The following ZC4H2 variants were observed in gnomAD, a reference collection of about 807,000 sequenced individuals.
ZC4H2 encodes the protein zinc finger C4H2-type containing.
For missense variants in ZC4H2, 137 were observed against 173.9 expected, an observed-to-expected ratio of 0.79 and a Z score of 1.19; for synonymous variants, 84 against 66.3, an observed-to-expected ratio of 1.27 and a Z score of -1.30.
At chrX:64,937,487 C>T (rs1052053040) in intron 1 of ZC4H2, among the ~76,000 whole-genome samples, 3 of 111,745 alleles carry the variant, frequency 2.7e-5, no homozygotes, top group African/African-American at 9.8e-5. Flanking sequence ...AATATATATT[C>T]TTCTCAGCAA....
intron 2 of ZC4H2, among the ~76,000 whole-genome samples, chrX:64,921,002 T>A: frequency 8.9e-6 from 1 of 112,196 alleles, no homozygotes; most frequent in Non-Finnish European, 1.9e-5. Flanking sequence ...CTGTCAACAC[T>A]TTATGAGATC....
intron 1 of ZC4H2, among the ~76,000 whole-genome samples, chrX:64,955,600 C>A (rs745362734): frequency 8.9e-6 from 1 of 111,738 alleles, no homozygotes; most frequent in South Asian, 3.8e-4. Flanking sequence ...TGGGAAGTTT[C>A]TCCCCAGAAG....
At position 65,005,855 on chromosome X, in the gene ZC4H2, A is replaced by C. The variant is rs960017367; in HGVS notation, c.-272+28774T>G. Among the ~76,000 whole-genome samples the C allele has an allele frequency of 3.6e-5, 4 of 110,138 alleles. No individual in the cohort carries two copies. The South Asian group carries it at 1.6e-3, about 43-fold the overall frequency. The stretch of plus-strand genomic sequence containing the variant: ...CAGAATCTACAAGGAACGTAAACAC[A>C]TTTAGAAAAAAAAAAAGCAACCCTA... On this transcript the variant is annotated intron_variant, in intron 1 of 4. Transcript: ENST00000337990.
intron 1 of ZC4H2, among the ~76,000 whole-genome samples, chrX:64,939,271 G>C (rs929904191): frequency 8.9e-6 from 1 of 111,876 alleles, no homozygotes; most frequent in African/African-American, 3.3e-5. Context: ...TCAAACCACT[G>C]CTCAAGGAAA....
intron 1 of ZC4H2, among the ~76,000 whole-genome samples, chrX:64,929,213 G>A (rs188913233): frequency 1.8e-5 from 2 of 109,935 alleles, no homozygotes; most frequent in African/African-American, 6.7e-5. Flanking sequence ...TTTTTGATGG[G>A]ATTTTTTTTG....
At chrX:64,950,670 TC>T (rs1266661460) in intron 1 of ZC4H2, among the ~76,000 whole-genome samples, 1 of 110,929 alleles carries the variant, frequency 9.0e-6, no homozygotes, top group East Asian at 2.9e-4. Context: ...AGGATTGCAA[TC>T]CCCACCTTTT....
intron 1 of ZC4H2, among the ~76,000 whole-genome samples, chrX:64,956,440 A>C (rs968847979): frequency 1.6e-4 from 18 of 111,236 alleles, no homozygotes; most frequent in African/African-American, 5.6e-4. Flanking sequence ...CATCTATAGA[A>C]TATCAAATGG....
At chrX:64,947,593 G>A (rs922771831) in intron 1 of ZC4H2, among the ~76,000 whole-genome samples, 3 of 112,498 alleles carry the variant, frequency 2.7e-5, no homozygotes, top group African/African-American at 9.7e-5. Flanking sequence ...AAATATGGCT[G>A]AGAAAGACTC....
intron 1 of ZC4H2, among the ~76,000 whole-genome samples, chrX:64,981,564 C>T (rs774861528): frequency 2.2e-4 from 24 of 110,685 alleles, no homozygotes; most frequent in African/African-American, 6.9e-4. Flanking sequence ...TTTTTGGCTT[C>T]AGTAATAAGG....
At chrX:65,033,810 C>T (rs1056232603) in intron 1 of ZC4H2, among the ~76,000 whole-genome samples, 4 of 111,757 alleles carry the variant, frequency 3.6e-5, no homozygotes, top group East Asian at 5.6e-4. Context: ...TAGCTCAGGC[C>T]GGGCACGGTG....
intron 1 of ZC4H2, among the ~76,000 whole-genome samples, chrX:64,941,653 T>C (rs755955637): frequency 1.8e-5 from 2 of 112,492 alleles, no homozygotes; most frequent in Admixed American, 1.9e-4. Flanking sequence ...GAAATAATCA[T>C]GAGGTTTTTG....
At chrX:65,016,835 T>C (rs1167585499) in intron 1 of ZC4H2, among the ~76,000 whole-genome samples, 1 of 111,732 alleles carries the variant, frequency 8.9e-6, no homozygotes, top group East Asian at 2.8e-4. Context: ...ATAAAAATAT[T>C]ACCTTTCTAT....
At chrX:64,951,573 G>T (rs759441128) in intron 1 of ZC4H2, among the ~76,000 whole-genome samples, 4 of 112,132 alleles carry the variant, frequency 3.6e-5, no homozygotes, top group African/African-American at 6.5e-5. Flanking sequence ...ATTTTTTCAT[G>T]CGTTTTTTGG....
intron 1 of ZC4H2, among the ~76,000 whole-genome samples, chrX:64,939,024 T>C (rs764200266): frequency 8.9e-6 from 1 of 112,040 alleles, no homozygotes; most frequent in Non-Finnish European, 1.9e-5. Context: ...GACATGATCA[T>C]ATATTTAGAA....
intron 1 of ZC4H2, among the ~76,000 whole-genome samples, chrX:64,960,766 G>C (rs1227777065): frequency 2.7e-5 from 3 of 111,942 alleles, no homozygotes; most frequent in Admixed American, 9.5e-5. Context: ...GGGTATTTGT[G>C]AATTTTCCAG....
At chrX:64,923,987 T>C (rs190758969) in intron 1 of ZC4H2, among the ~76,000 whole-genome samples, 1 of 112,155 alleles carries the variant, frequency 8.9e-6, no homozygotes, top group East Asian at 2.8e-4. Context: ...ATTGGTTAAT[T>C]ACTTATTTGC....
intron 1 of ZC4H2, among the ~76,000 whole-genome samples, chrX:65,011,491 G>A (rs946997377): frequency 1.8e-4 from 20 of 111,430 alleles, no homozygotes; most frequent in African/African-American, 6.5e-4. Flanking sequence ...TATGGTGGCA[G>A]TGAAGTTCTT....
chrX:65,002,907 G>A (rs1932573288), intron 1 of ZC4H2, among the ~76,000 whole-genome samples: 1 of 108,473 alleles, frequency 9.2e-6, no homozygotes, highest in Non-Finnish European at 1.9e-5. Flanking sequence ...AGTACCCAAG[G>A]ACACAAACAC....
In ZC4H2 at chrX:65,027,954, G is replaced by A. The variant is rs762159748; in HGVS notation, c.-272+6675C>T. 3.6e-5 allele frequency among the ~76,000 whole-genome samples: 4 copies of A among 111,896 alleles called. No individual in the cohort carries two copies. In the South Asian group the frequency reaches 1.1e-3, roughly 31 times the overall value. On this transcript the variant is annotated intron_variant, in intron 1 of 4. Coordinates refer to the ZC4H2 transcript ENST00000337990. ...CCTAAAGCAGAGATCTGAGCACCTGGAAGAGCTGAAGAACTACCAAATGGC... is the reference window on the plus strand; with the variant it reads ...CCTAAAGCAGAGATCTGAGCACCTGAAAGAGCTGAAGAACTACCAAATGGC...
Sources: gnomAD v4.1 joint callset for allele counts (sites outside exome capture counted in the v4.1 genomes callset) on GRCh38, gnomAD v4.1.1 for gene constraint, MANE v1.5 for transcripts, NCBI Gene and HGNC (gene_info 2026-07-23, HGNC 2026-07-21) for gene names.